LRRC3B: variants seen among roughly 807,000 people sequenced by gnomAD.
The protein encoded by LRRC3B is leucine rich repeat containing 3B.
In LRRC3B, 2 loss-of-function variants were observed where a neutral mutation model predicts 12.8. That is an observed-to-expected ratio of 0.16 (90% CI 0.06 to 0.49). The LOEUF is 0.49. LRRC3B is among the 20% of genes least tolerant of loss of function. The pLI is 0.96. For synonymous variants in LRRC3B, 132 were observed against 122.0 expected, an observed-to-expected ratio of 1.08 and a Z score of -0.54; for missense variants, 189 against 319.4, an observed-to-expected ratio of 0.59 and a Z score of 3.11.
At chr3:26,640,949 T>C (rs1317907340) in intron 1 of LRRC3B, among the ~76,000 whole-genome samples, 5 of 152,022 alleles carry the variant, frequency 3.3e-5, no homozygotes, top group Non-Finnish European at 7.4e-5. Flanking sequence ...GGAAGCAGAG[T>C]CCTTATGAAT....
chr3:26,637,782 G>A (rs1698935385), intron 1 of LRRC3B, among the ~76,000 whole-genome samples: 1 of 152,082 alleles, frequency 6.6e-6, no homozygotes, highest in South Asian at 2.1e-4. Context: ...ATAACACAAA[G>A]TACACTGAAT....
chr3:26,709,534 T>G (rs41276511), exon 2 of LRRC3B: 15,208 of 809,542 alleles, frequency 0.019, 229 homozygotes, highest in South Asian at 0.032. Flanking sequence ...AGGAAAGAAA[T>G]AATGAAGAGA....
intron 1 of LRRC3B, among the ~76,000 whole-genome samples, chr3:26,679,379 GC>G (rs2125440084): frequency 6.6e-6 from 1 of 152,316 alleles, no homozygotes; most frequent in African/African-American, 2.4e-5. Context: ...GCCTCACCAA[GC>G]CGGTCTCTAC....
chr3:26,705,806 C>T (rs1320483485), intron 1 of LRRC3B, among the ~76,000 whole-genome samples: 1 of 152,122 alleles, frequency 6.6e-6, no homozygotes, highest in African/African-American at 2.4e-5. Context: ...GTCCTCATAC[C>T]TTCCTTTTCC....
intron 1 of LRRC3B, among the ~76,000 whole-genome samples, chr3:26,658,338 G>C (rs376775187): frequency 6.6e-6 from 1 of 152,144 alleles, no homozygotes; most frequent in Non-Finnish European, 1.5e-5. Context: ...GATTATAGGC[G>C]TGAGCCACCA....
At chr3:26,693,564 A>G (rs936079057) in intron 1 of LRRC3B, among the ~76,000 whole-genome samples, 1 of 152,220 alleles carries the variant, frequency 6.6e-6, no homozygotes, top group Non-Finnish European at 1.5e-5. Flanking sequence ...CATGGAAGTC[A>G]GTTTTGGAAG....
At chr3:26,709,153 C>T (rs1291024331) in intron 1 of LRRC3B, among the ~76,000 whole-genome samples, 1 of 152,146 alleles carries the variant, frequency 6.6e-6, no homozygotes, top group Admixed American at 6.5e-5. Flanking sequence ...TACATTAATG[C>T]ATCTGTTATC....
chr3:26,653,940 C>T (rs1285021955), intron 1 of LRRC3B, among the ~76,000 whole-genome samples: 1 of 151,202 alleles, frequency 6.6e-6, no homozygotes, highest in African/African-American at 2.4e-5. Flanking sequence ...AATGCCCATA[C>T]CTGGTGGCAC....
chr3:26,645,762 G>T (rs780055163), intron 1 of LRRC3B, among the ~76,000 whole-genome samples: 34 of 151,552 alleles, frequency 2.2e-4, no homozygotes, highest in Non-Finnish European at 4.7e-4. Flanking sequence ...TTGCAATCTT[G>T]TAATGGAAAA....
chr3:26,695,747 A>G (rs921102160), intron 1 of LRRC3B, among the ~76,000 whole-genome samples: 1 of 152,214 alleles, frequency 6.6e-6, no homozygotes, highest in South Asian at 2.1e-4. Context: ...GTTTAAATAT[A>G]TATTTTTGAC....
At chr3:26,700,055 G>A (rs1281107760) in intron 1 of LRRC3B, among the ~76,000 whole-genome samples, 4 of 152,166 alleles carry the variant, frequency 2.6e-5, no homozygotes, top group Non-Finnish European at 5.9e-5. Flanking sequence ...AGGAGTTAAT[G>A]TATTCAGAAG....
intron 1 of LRRC3B, among the ~76,000 whole-genome samples, chr3:26,685,944 A>G (rs1213842804): frequency 6.6e-6 from 1 of 152,170 alleles, no homozygotes; most frequent in Non-Finnish European, 1.5e-5. Context: ...TATTGGCAGT[A>G]GCTACCTCAG....
At chr3:26,627,491 A>C (rs947179238) in intron 1 of LRRC3B, among the ~76,000 whole-genome samples, 1 of 152,116 alleles carries the variant, frequency 6.6e-6, no homozygotes, top group Non-Finnish European at 1.5e-5. Context: ...GAAGAAAAGA[A>C]GAGAGTGAGG....
intron 1 of LRRC3B, among the ~76,000 whole-genome samples, chr3:26,671,790 C>T (rs553970079): frequency 2.4e-4 from 36 of 152,206 alleles, no homozygotes; most frequent in African/African-American, 8.0e-4. Flanking sequence ...GGATTTGAAG[C>T]AAATTAATTT....
chr3:26,631,438 C>T (rs1698754630), intron 1 of LRRC3B, among the ~76,000 whole-genome samples: 1 of 152,120 alleles, frequency 6.6e-6, no homozygotes, highest in Non-Finnish European at 1.5e-5. Context: ...TTGGCACAGG[C>T]AGGTAGATGG....
chr3:26,691,632 T>C (rs1372694385), intron 1 of LRRC3B, among the ~76,000 whole-genome samples: 2 of 152,174 alleles, frequency 1.3e-5, no homozygotes, highest in Admixed American at 6.5e-5. Context: ...TTAGTCTGGA[T>C]AGTTCAGTGA....
intron 1 of LRRC3B, among the ~76,000 whole-genome samples, chr3:26,699,702 C>A (rs375068258): frequency 2.0e-5 from 3 of 152,232 alleles, no homozygotes. Context: ...ATCTTGAGAG[C>A]CTACATTTAT....
chr3:26,708,535 A>T (rs1215746926), intron 1 of LRRC3B, among the ~76,000 whole-genome samples: 1 of 152,138 alleles, frequency 6.6e-6, no homozygotes, highest in African/African-American at 2.4e-5. Context: ...TCTGGGATCC[A>T]CTTGTCTCCT....
rs552939968 is a variant in LRRC3B at position 26,664,886 on chromosome 3, CT to C, written c.-161+41650del. On this transcript the variant is annotated intron_variant, in intron 1 of 1. Coordinates refer to ENST00000396641, the Ensembl canonical transcript of LRRC3B. ...GAAAATTGAGCATGTATCAGAATTA[CT>C]AGAAGGCTTAATAAAATGTAGTTTG... 1.6e-3 allele frequency among the ~76,000 whole-genome samples: 250 copies of C among 151,706 alleles called. 2 individuals carry two copies. The highest frequency in any genetic ancestry group is 5.4e-3 in the African/African-American group (225 of 41,350).
Sources: allele counts gnomAD v4.1 joint callset (sites outside exome capture counted in the v4.1 genomes callset), GRCh38; gene constraint gnomAD v4.1.1; transcripts MANE v1.5; gene names NCBI Gene and HGNC (gene_info 2026-07-23, HGNC 2026-07-21).